MAMLD1: variants seen among roughly 807,000 people sequenced by gnomAD.
The protein encoded by MAMLD1 is mastermind like domain containing 1.
Under a neutral mutation model 45.0 loss-of-function variants are expected in MAMLD1, and 14 were observed. The ratio of observed to expected loss-of-function variants is 0.31; its 90% CI spans 0.21 to 0.49. MAMLD1 has a LOEUF of 0.49. Ranked by LOEUF, MAMLD1 falls within the 20% of genes least tolerant of loss-of-function variation. The pLI, the probability that MAMLD1 is intolerant of heterozygous loss-of-function variation, is 0.99. For synonymous variants in MAMLD1, 254 were observed against 247.8 expected, an observed-to-expected ratio of 1.02 and a Z score of -0.24; for missense variants, 543 against 603.6, an observed-to-expected ratio of 0.90 and a Z score of 1.05.
At chrX:150,462,635 G>A (rs985133564) in intron 2 of MAMLD1, 137 bp from the exon 3 acceptor site, 28 of 533,227 alleles carry the variant, frequency 5.3e-5, no homozygotes, top group Non-Finnish European at 8.5e-5. Context: ...CTATTTAAAT[G>A]TCATAGATAT....
At chrX:150,379,771 C>T (rs1302922653) in intron 1 of MAMLD1, among the ~76,000 whole-genome samples, 15 of 111,828 alleles carry the variant, frequency 1.3e-4, no homozygotes, top group Non-Finnish European at 2.8e-4. Flanking sequence ...CCCTTCCTTA[C>T]ATAAGGGTGG....
At chrX:150,365,080 T>C (rs902128436) in intron 1 of MAMLD1, among the ~76,000 whole-genome samples, 192 of 110,738 alleles carry the variant, frequency 1.7e-3, no homozygotes, top group African/African-American at 5.9e-3. Context: ...CTCCCACCTC[T>C]TCTTGTCTTT....
At chrX:150,446,423 G>A (rs1471628762) in intron 2 of MAMLD1, among the ~76,000 whole-genome samples, 1 of 111,702 alleles carries the variant, frequency 9.0e-6, no homozygotes, top group African/African-American at 3.3e-5. Flanking sequence ...GGGCTCTGAG[G>A]TAATGCCATT....
At chrX:150,364,673 G>T (rs922033581) in intron 1 of MAMLD1, among the ~76,000 whole-genome samples, 6 of 112,802 alleles carry the variant, frequency 5.3e-5, no homozygotes, top group Non-Finnish European at 1.1e-4. Flanking sequence ...CTGCTCACGG[G>T]TAGGCAAACC....
At chrX:150,427,565 C>A (rs1433455401) in intron 1 of MAMLD1, among the ~76,000 whole-genome samples, 1 of 42,173 alleles carries the variant, frequency 2.4e-5, no homozygotes, top group African/African-American at 4.9e-5. Context: ...CTGAACCACA[C>A]CTGTCTCCTC....
Position 150,481,961 on chromosome X carries a change from GAAAA to G in MAMLD1, c.2040+8162_2040+8165del, listed in dbSNP as rs782400132. On this transcript the variant is annotated intron_variant, in intron 5 of 7. Transcript: ENST00000370401. ...AAGAAAGAAAAAAGAAAGAAAGAAA[GAAAA>G]AAGAAAGAAAGAAAGAAAGAAAGAA... is the stretch of plus-strand genomic sequence containing the variant. Among the ~76,000 whole-genome samples the G allele has an allele frequency of 8.4e-4, 49 of 58,229 alleles. No individual in the cohort carries two copies. The South Asian group carries it at 0.01, about 12-fold the overall frequency. The allele number at this position is 58,229 out of a possible 115,157, so 50.6% of individuals were successfully genotyped here.
At chrX:150,481,964 A>AAAAGAAAGAAAGAAAGAAAGAAAAGAAAG (rs2036793979) in intron 5 of MAMLD1, among the ~76,000 whole-genome samples, 4 of 56,596 alleles carry the variant, frequency 7.1e-5, no homozygotes, top group African/African-American at 2.9e-4. Flanking sequence ...AAAGAAAGAA[A>AAAAGAAAGAAAGAAAGAAAGAAAAGAAAG]AAAGAAAGAA....
At chrX:150,457,974 G>A (rs190292788) in intron 2 of MAMLD1, among the ~76,000 whole-genome samples, 31 of 111,553 alleles carry the variant, frequency 2.8e-4, no homozygotes, top group African/African-American at 1.0e-3. Context: ...AGAGGACCTA[G>A]ACCATGGGAA....
intron 1 of MAMLD1, among the ~76,000 whole-genome samples, chrX:150,398,165 A>G (rs2124508313): frequency 9.4e-6 from 1 of 106,551 alleles, no homozygotes; most frequent in Non-Finnish European, 1.9e-5. Flanking sequence ...CCTAATATCC[A>G]TCGCATTTTG....
Position 150,405,284 on chromosome X carries a change from A to G in MAMLD1, c.-63-40170A>G, listed in dbSNP as rs782251930. Among the ~76,000 whole-genome samples the G allele has an allele frequency of 3.9e-4, 43 of 111,551 alleles. 1 individual carries two copies. The South Asian group carries it at 0.016, about 42-fold the overall frequency. ...GATTCTGGAGGCTATATTATTACAC[A>G]TGATTGGGAGGAGGGTCAAGTGGTG... On this transcript the variant is annotated intron_variant, in intron 1 of 7. Coordinates refer to ENST00000370401, the MANE Select transcript of MAMLD1 (RefSeq NM_005491.5).
intron 7 of MAMLD1, among the ~76,000 whole-genome samples, chrX:150,511,198 A>G (rs1339242324): frequency 5.4e-5 from 6 of 111,282 alleles, no homozygotes; most frequent in Non-Finnish European, 1.1e-4. Context: ...GTCCACCCCA[A>G]AAAAGTACCG....
intron 1 of MAMLD1, among the ~76,000 whole-genome samples, chrX:150,398,337 A>AGAAGAAGAGGAAGAG (rs2033588884): frequency 1.3e-4 from 7 of 52,283 alleles, no homozygotes; most frequent in Non-Finnish European, 2.3e-4. Context: ...AAGAAGAAGA[A>AGAAGAAGAGGAAGAG]GAAGAGGAAG....
chrX:150,510,103 G>A (rs2037855930), intron 7 of MAMLD1, 57 bp downstream of exon 7: 3 of 780,129 alleles, frequency 3.8e-6, no homozygotes, highest in African/African-American at 2.0e-5. Context: ...ATATGTGGAA[G>A]TGGGGTGAGA....
intron 5 of MAMLD1, among the ~76,000 whole-genome samples, chrX:150,499,021 G>A (rs1378107022): frequency 1.8e-5 from 2 of 112,021 alleles, no homozygotes; most frequent in Non-Finnish European, 1.9e-5. Flanking sequence ...CCACATGTCT[G>A]CCTTCACCTC....
intron 5 of MAMLD1, among the ~76,000 whole-genome samples, chrX:150,500,207 A>G (rs139282785): frequency 9.8e-5 from 11 of 111,759 alleles, no homozygotes; most frequent in Middle Eastern, 4.6e-3. Flanking sequence ...GAGGAGCTTC[A>G]TCTCGAAAGA....
chrX:150,383,816 G>C (rs782061819), intron 1 of MAMLD1, among the ~76,000 whole-genome samples: 1 of 111,352 alleles, frequency 9.0e-6, no homozygotes, highest in Non-Finnish European at 1.9e-5. Flanking sequence ...GGTCTATATG[G>C]ATTTACTTAT....
At chrX:150,414,001 G>T (rs2034186414) in intron 1 of MAMLD1, among the ~76,000 whole-genome samples, 1 of 66,367 alleles carries the variant, frequency 1.5e-5, no homozygotes, top group African/African-American at 6.1e-5. Context: ...CTTTTATCAT[G>T]GAGCATTAAG....
intron 1 of MAMLD1, among the ~76,000 whole-genome samples, chrX:150,417,333 A>C (rs1327097953): frequency 5.8e-4 from 61 of 105,888 alleles, no homozygotes; most frequent in African/African-American, 1.8e-3. Context: ...TACAAAGGAC[A>C]TGAACTCATC....
chrX:150,456,084 A>AT (rs1256984397), intron 2 of MAMLD1, among the ~76,000 whole-genome samples: 3 of 111,263 alleles, frequency 2.7e-5, no homozygotes, highest in African/African-American at 6.6e-5. Flanking sequence ...ACTAAAAGTG[A>AT]TTTTTTATCC....
Sources: allele counts gnomAD v4.1 joint callset (sites outside exome capture counted in the v4.1 genomes callset), GRCh38; gene constraint gnomAD v4.1.1; transcripts MANE v1.5; gene names NCBI Gene and HGNC (gene_info 2026-07-23, HGNC 2026-07-21).